UBE3D: variants seen among roughly 807,000 people sequenced by gnomAD.
UBE3D encodes the protein ubiquitin protein ligase E3D.
A neutral mutation model predicts 49.6 loss-of-function variants in UBE3D; 48 were observed. That is an observed-to-expected ratio of 0.97 (90% CI 0.77 to 1.23). The LOEUF is 1.23. Ranked by LOEUF, UBE3D falls within the 50% of genes most tolerant of loss-of-function variation. The pLI, the probability that UBE3D is intolerant of heterozygous loss-of-function variation, is 0.00. For synonymous variants in UBE3D, 189 were observed against 174.2 expected (o/e 1.08, Z -0.67); for missense variants, 452 against 468.4 (o/e 0.96, Z 0.32).
intron 5 of UBE3D, among the ~76,000 whole-genome samples, chr6:83,031,814 G>A (rs532157045): frequency 2.2e-4 from 34 of 152,306 alleles, no homozygotes; most frequent in African/African-American, 4.3e-4. Context: ...TGTCCCAGCC[G>A]CACTAGCCAT....
At chr6:82,917,596 C>T (rs1457148696) in intron 9 of UBE3D, among the ~76,000 whole-genome samples, 1 of 152,142 alleles carries the variant, frequency 6.6e-6, no homozygotes, top group Admixed American at 6.5e-5. Context: ...TTGTAATGAG[C>T]ACGATTAGGA....
At chr6:83,055,818 G>A (rs1335579145) in intron 2 of UBE3D, among the ~76,000 whole-genome samples, 2 of 152,138 alleles carry the variant, frequency 1.3e-5, no homozygotes, top group African/African-American at 4.8e-5. Context: ...AACACAAACT[G>A]AAGGCTAAAA....
At chr6:83,050,311 G>A (rs1177951294) in intron 3 of UBE3D, among the ~76,000 whole-genome samples, 1 of 150,886 alleles carries the variant, frequency 6.6e-6, no homozygotes, top group African/African-American at 2.4e-5. Context: ...CAAAGTACAT[G>A]AAACCCCAAA....
At chr6:83,041,951 C>A (rs535550400) in intron 4 of UBE3D, among the ~76,000 whole-genome samples, 1 of 151,990 alleles carries the variant, frequency 6.6e-6, no homozygotes, top group South Asian at 2.1e-4. Context: ...CGCTCTGTCA[C>A]CAGGCTGGAG....
At chr6:83,033,380 C>T (rs891824601) in intron 5 of UBE3D, among the ~76,000 whole-genome samples, 1 of 152,040 alleles carries the variant, frequency 6.6e-6, no homozygotes, top group Non-Finnish European at 1.5e-5. Context: ...AGACAAACAT[C>T]AGAACTATAT....
chr6:83,042,333 CA>C (rs1782732907), intron 4 of UBE3D, among the ~76,000 whole-genome samples: 1 of 152,156 alleles, frequency 6.6e-6, no homozygotes, highest in African/African-American at 2.4e-5. Context: ...GCTGCAATAA[CA>C]AAGCCTCCAA....
rs563123480 is a variant in UBE3D at position 83,002,447 on chromosome 6, G to T, written c.1010+16526C>A. On this transcript the variant is annotated intron_variant, in intron 8 of 9. Coordinates refer to ENST00000369747, the MANE Select transcript of UBE3D (RefSeq NM_198920.3). Reference sequence around the variant, plus strand: ...CCCCTGTAATCCCAGCACTTTGGGAGGCCAAGGTGGGTGGATCACCTGAGG... The same window carrying T: ...CCCCTGTAATCCCAGCACTTTGGGATGCCAAGGTGGGTGGATCACCTGAGG... Among the ~76,000 whole-genome samples, 11 of 152,264 alleles carry T rather than the reference G, an allele frequency of 7.2e-5. No homozygotes were observed. In the South Asian group the frequency reaches 2.1e-3, roughly 29 times the overall value.
At chr6:82,994,984 C>A (rs1048599008) in intron 8 of UBE3D, among the ~76,000 whole-genome samples, 4 of 152,196 alleles carry the variant, frequency 2.6e-5, no homozygotes, top group Admixed American at 2.6e-4. Context: ...GAATTTTTTA[C>A]TCAACAGAAA....
chr6:82,889,593 A>G (rs1770944922), downstream of UBE3D, among the ~76,000 whole-genome samples: 1 of 152,084 alleles, frequency 6.6e-6, no homozygotes, highest in Non-Finnish European at 1.5e-5. Flanking sequence ...TACAGTATAC[A>G]TACACTTTAA....
intron 8 of UBE3D, among the ~76,000 whole-genome samples, chr6:82,972,695 G>A (rs1198810345): frequency 6.6e-6 from 1 of 152,172 alleles, no homozygotes; most frequent in Non-Finnish European, 1.5e-5. Context: ...ATAGCTTGGT[G>A]TTCTTTGTTG....
intron 4 of UBE3D, among the ~76,000 whole-genome samples, chr6:83,039,282 C>A (rs1384669715): frequency 6.6e-6 from 1 of 152,152 alleles, no homozygotes; most frequent in Non-Finnish European, 1.5e-5. Context: ...GGGTACCTTT[C>A]CTGGGAAACC....
intron 8 of UBE3D, among the ~76,000 whole-genome samples, chr6:82,993,799 A>G (rs1779057337): frequency 6.6e-6 from 1 of 152,164 alleles, no homozygotes; most frequent in Non-Finnish European, 1.5e-5. Context: ...CATTCACTCC[A>G]CTGACATACA....
chr6:83,058,435 A>C (rs896244952), intron 1 of UBE3D, among the ~76,000 whole-genome samples: 1 of 152,272 alleles, frequency 6.6e-6, no homozygotes, highest in African/African-American at 2.4e-5. Flanking sequence ...CGATACAGTG[A>C]TGTATGAATA....
At chr6:82,930,149 C>T (rs956739164) in intron 9 of UBE3D, among the ~76,000 whole-genome samples, 3 of 152,092 alleles carry the variant, frequency 2.0e-5, no homozygotes, top group Non-Finnish European at 4.4e-5. Context: ...GCTTCTCCCA[C>T]CCTTTACTCT....
At chr6:83,011,966 T>C (rs1033502202) in intron 8 of UBE3D, among the ~76,000 whole-genome samples, 67 of 152,180 alleles carry the variant, frequency 4.4e-4, no homozygotes, top group African/African-American at 1.6e-3. Context: ...TGGAGAACTT[T>C]GCCCCAGCCC....
chr6:82,911,932 G>A (rs74787811), intron 9 of UBE3D, among the ~76,000 whole-genome samples: 1,973 of 152,276 alleles, frequency 0.013, 40 homozygotes, highest in African/African-American at 0.045. Context: ...TACCTCCTTA[G>A]AATCACACAT....
At chr6:83,049,760 T>A (rs1446250712) in intron 3 of UBE3D, 2 of 471,134 alleles carry the variant, frequency 4.2e-6, no homozygotes, top group Non-Finnish European at 8.8e-6. Flanking sequence ...AGAGCCACTC[T>A]GTTTCAAATC....
chr6:83,024,532 C>T (rs762962568), intron 5 of UBE3D, among the ~76,000 whole-genome samples: 1 of 152,092 alleles, frequency 6.6e-6, no homozygotes, highest in Non-Finnish European at 1.5e-5. Flanking sequence ...CTGCCAGCTG[C>T]TAAGTGTGTT....
rs1776245541 is a variant in UBE3D at position 82,957,462 on chromosome 6, C to T, written c.1011-12G>A. ...ACAAGCTGACAAGTCTGGAACACAC[C>T]AACACATTAACTTTCAAAAATGCAT... is the stretch of plus-strand genomic sequence containing the variant. On this transcript the variant is annotated splice_polypyrimidine_tract_variant and intron_variant, in intron 8 of 9. Coordinates refer to ENST00000369747, the MANE Select transcript of UBE3D (RefSeq NM_198920.3). The T allele has an allele frequency of 1.2e-6, 2 of 1,601,112 alleles. No homozygotes were observed. The highest frequency in any genetic ancestry group is 3.5e-5 in the Admixed American group (2 of 56,980).
Sources: allele counts gnomAD v4.1 joint callset (sites outside exome capture counted in the v4.1 genomes callset), GRCh38; gene constraint gnomAD v4.1.1; transcripts MANE v1.5; gene names NCBI Gene and HGNC (gene_info 2026-07-23, HGNC 2026-07-21).